GRIN2A: variants seen among roughly 807,000 people sequenced by gnomAD.
The protein encoded by GRIN2A is glutamate ionotropic receptor NMDA type subunit 2A.
Under a neutral mutation model 113.4 loss-of-function variants are expected in GRIN2A, and 22 were observed. The observed-to-expected ratio is 0.19, with a 90% CI of 0.14 to 0.28. The LOEUF (loss-of-function observed/expected upper bound fraction) is 0.28. Ranked by LOEUF, GRIN2A falls within the 10% of genes least tolerant of loss-of-function variation. The probability of loss-of-function intolerance (pLI) is 1.00; values close to 1 mark genes in which losing one functional copy is unlikely to be tolerated. For synonymous variants in GRIN2A, 827 were observed against 738.4 expected, an observed-to-expected ratio of 1.12 and a Z score of -1.94; for missense variants, 1,502 against 1,887.0, an observed-to-expected ratio of 0.80 and a Z score of 3.78.
intron 11 of GRIN2A, among the ~76,000 whole-genome samples, chr16:9,780,836 A>G (rs1445521004): frequency 2.0e-5 from 3 of 152,246 alleles, no homozygotes; most frequent in Non-Finnish European, 4.4e-5. Context: ...AGAGGAGAGA[A>G]AAATACAAAC....
rs28396577 is a variant in GRIN2A, at chr16:9,904,716, A to G, written c.1008-13616T>C. Among the ~76,000 whole-genome samples the G allele has an allele frequency of 9.3e-3, 1,408 of 152,140 alleles. 21 individuals are homozygous for G. Among genetic ancestry groups the G allele is most frequent in the African/African-American group, 0.031 (1,295 of 41,506 alleles). On this transcript the variant is annotated intron_variant, in intron 3 of 12. Transcript: ENST00000330684. ...GCATTAGTTCCATTGCAAGGGCCCC[A>G]CCCTCATGACATCATCTAACCCTAA...
chr16:9,909,052 GA>G, intron 3 of GRIN2A, among the ~76,000 whole-genome samples: 1 of 152,178 alleles, frequency 6.6e-6, no homozygotes. Context: ...GAACTGGGAA[GA>G]AAAAGAGGTT....
chr16:10,182,039 A>G lies in GRIN2A; in HGVS notation c.-181T>C, dbSNP rs1272326831. ...CGCATCGCCCCCACGGGGGGCGGCT[A>G]TCCCAGCCGGAGGCTCTGCAGCAGG... On this transcript the variant is annotated 5_prime_UTR_variant, in exon 1 of 13. Transcript: ENST00000330684. 8 of 152,504 alleles carry G rather than the reference A, an allele frequency of 5.2e-5. No homozygotes were observed. The highest frequency in any genetic ancestry group is 5.2e-4 in the Admixed American group (8 of 15,288). 9.4% of individuals were successfully genotyped at this position (152,504 alleles called of 1,614,324 possible).
chr16:9,830,378 T>C (rs1007947202), intron 8 of GRIN2A, among the ~76,000 whole-genome samples: 1 of 150,310 alleles, frequency 6.7e-6, no homozygotes, highest in Non-Finnish European at 1.5e-5. Context: ...GCAACAGACT[T>C]AACTAAAGAG....
chr16:9,988,284 C>CGTGTGAGT (rs1555461880), intron 2 of GRIN2A, among the ~76,000 whole-genome samples: 1 of 146,840 alleles, frequency 6.8e-6, no homozygotes, highest in Non-Finnish European at 1.5e-5. Context: ...TGTGTGTGTG[C>CGTGTGAGT]GTGTGTGTGT....
chr16:9,830,800 T>C (rs945693578), intron 8 of GRIN2A, among the ~76,000 whole-genome samples: 1 of 152,232 alleles, frequency 6.6e-6, no homozygotes, highest in Non-Finnish European at 1.5e-5. Flanking sequence ...TTAATTCTCT[T>C]ATTCTCAATC....
chr16:10,171,195 C>T (rs950954929), intron 2 of GRIN2A, among the ~76,000 whole-genome samples: 4 of 152,140 alleles, frequency 2.6e-5, no homozygotes, highest in African/African-American at 9.7e-5. Context: ...AATAAGAACC[C>T]AAAGCCCTAG....
At chr16:10,094,748 C>A (rs2048253311) in intron 2 of GRIN2A, among the ~76,000 whole-genome samples, 1 of 152,004 alleles carries the variant, frequency 6.6e-6, no homozygotes, top group Non-Finnish European at 1.5e-5. Context: ...CTGTGCCTGG[C>A]CCAGAAAGCA....
chr16:10,034,389 T>C (rs2046985335), intron 2 of GRIN2A, among the ~76,000 whole-genome samples: 1 of 151,708 alleles, frequency 6.6e-6, no homozygotes, highest in African/African-American at 2.4e-5. Context: ...AGCCGGAATG[T>C]TAGCACATGC....
chr16:10,125,395 G>A (rs541039824), intron 2 of GRIN2A, among the ~76,000 whole-genome samples: 1 of 152,150 alleles, frequency 6.6e-6, no homozygotes, highest in African/African-American at 2.4e-5. Context: ...CAAGTGGAAA[G>A]ACCCTTGTTA....
chr16:9,789,614 A>T (rs1902479005), intron 11 of GRIN2A, among the ~76,000 whole-genome samples: 1 of 151,942 alleles, frequency 6.6e-6, no homozygotes, highest in Admixed American at 6.6e-5. Context: ...ATTAAGGAGG[A>T]CGCTTTTGAG....
chr16:10,180,117 C>A lies in GRIN2A; in HGVS notation c.295G>T (p.Val99Leu), dbSNP rs773569899. The A allele has an allele frequency of 6.2e-7, 1 of 1,614,220 alleles. No homozygotes were observed. Among genetic ancestry groups the A allele is most frequent in the Non-Finnish European group, 8.5e-7 (1 of 1,180,042 alleles). Residue 99 changes from valine to leucine, a missense_variant, in exon 2 of 13, where the codon GTG becomes TTG. Coordinates refer to ENST00000330684, the MANE Select transcript of GRIN2A (RefSeq NM_001134407.3). This position sits in a 1 kb window ranked among gnomAD's most constrained non-coding sequence, Gnocchi z 7.0. ...LMSGARIHGL[V>L]FGDDTDQEAV... ...TCCTGGTCCGTGTCGTCCCCAAACA[C>A]GAGGCCGTGGATGCGTGCCCCGGAC...
intron 11 of GRIN2A, among the ~76,000 whole-genome samples, chr16:9,776,800 T>C (rs770977263): frequency 6.6e-5 from 10 of 151,722 alleles, no homozygotes; most frequent in South Asian, 2.1e-4. Flanking sequence ...AGAAGCCCGA[T>C]TGGAATTGGA....
intron 2 of GRIN2A, among the ~76,000 whole-genome samples, chr16:10,082,343 G>T (rs1234852742): frequency 6.6e-6 from 1 of 152,210 alleles, no homozygotes; most frequent in Admixed American, 6.5e-5. Flanking sequence ...AAGAATATTT[G>T]GTTTGGATTA....
chr16:9,946,059 T>C (rs2045010237), intron 2 of GRIN2A, among the ~76,000 whole-genome samples: 2 of 152,290 alleles, frequency 1.3e-5, no homozygotes, highest in Middle Eastern at 3.4e-3. Context: ...CCCAATATAC[T>C]GTACATTAAT....
intron 4 of GRIN2A, among the ~76,000 whole-genome samples, chr16:9,863,500 T>G (rs2043107830): frequency 1.3e-5 from 2 of 152,216 alleles, no homozygotes; most frequent in Non-Finnish European, 2.9e-5. Context: ...ACAGCAGAGC[T>G]GCACTGAGCT....
At chr16:9,946,911 C>A (rs1224956933) in intron 2 of GRIN2A, among the ~76,000 whole-genome samples, 1 of 152,212 alleles carries the variant, frequency 6.6e-6, no homozygotes, top group African/African-American at 2.4e-5. Flanking sequence ...GTTCAAGCCA[C>A]ACCTGAAGAC....
intron 2 of GRIN2A, among the ~76,000 whole-genome samples, chr16:10,017,456 G>A (rs191528842): frequency 6.6e-6 from 1 of 152,218 alleles, no homozygotes; most frequent in Admixed American, 6.5e-5. Context: ...ATGTTCTAGA[G>A]CCAAACAGCC....
chr16:9,945,000 G>A (rs2044983867), intron 2 of GRIN2A, among the ~76,000 whole-genome samples: 1 of 152,034 alleles, frequency 6.6e-6, no homozygotes, highest in Non-Finnish European at 1.5e-5. Flanking sequence ...TCTTAGGGGA[G>A]GAGACAAACA....
Sources: allele counts gnomAD v4.1 joint callset (sites outside exome capture counted in the v4.1 genomes callset), GRCh38; gene constraint gnomAD v4.1.1; non-coding constraint Gnocchi (gnomAD v3.1); transcripts MANE v1.5; gene names NCBI Gene and HGNC (gene_info 2026-07-23, HGNC 2026-07-21).